WDR27: variants seen among roughly 807,000 people sequenced by gnomAD.
The protein encoded by WDR27 is WD repeat domain 27.
Under a neutral mutation model 114.4 loss-of-function variants are expected in WDR27, and 100 were observed. The observed-to-expected ratio is 0.87, with a 90% CI of 0.74 to 1.03. The LOEUF is 1.03. Among genes scored for constraint, WDR27 ranks in the 50% least tolerant of loss-of-function variants. WDR27 has a pLI of 0.00. For synonymous variants in WDR27, 449 were observed against 423.1 expected (o/e 1.06, Z -0.75); for missense variants, 1,129 against 1,092.9 (o/e 1.03, Z -0.47).
At chr6:169,449,560 C>T in the WDR27 span, among the ~76,000 whole-genome samples, 23 of 152,280 alleles carry the variant, frequency 1.5e-4, no homozygotes, top group South Asian at 2.1e-3. Flanking sequence ...CCTGAGCAGC[C>T]GTGTGGGCAC....
At chr6:169,486,561 G>A (rs543163262) in intron 25 of WDR27, among the ~76,000 whole-genome samples, 23 of 152,020 alleles carry the variant, frequency 1.5e-4, no homozygotes, top group Non-Finnish European at 2.9e-4. Context: ...GCGCGATCTC[G>A]GCTCACTGCA....
chr6:169,487,168 G>C (rs919243997), intron 25 of WDR27, among the ~76,000 whole-genome samples: 1 of 152,272 alleles, frequency 6.6e-6, no homozygotes, highest in East Asian at 1.9e-4. Context: ...CATCCTCTTC[G>C]GAGGGTTCAT....
rs947331794 is a variant in WDR27, at chr6:169,684,530, G to T, written c.189+4287C>A. On this transcript the variant is annotated intron_variant, in intron 2 of 25. Coordinates refer to ENST00000448612, the MANE Select transcript of WDR27 (RefSeq NM_182552.5). The surrounding 1 kb of genome is among the most constrained non-coding windows in gnomAD (Gnocchi z 4.3). ...TGCCTTTGGAGGCACATCACCAAGC[G>T]GGCTGAGCAGCCCTGTTCCCATGTC... Among the ~76,000 whole-genome samples, 1 of 152,104 alleles carries T rather than the reference G, an allele frequency of 6.6e-6. No homozygotes were observed. Among genetic ancestry groups the T allele is most frequent in the Admixed American group, 6.5e-5 (1 of 15,274 alleles).
chr6:169,611,468 G>C (rs1810514124), intron 22 of WDR27, among the ~76,000 whole-genome samples: 1 of 151,790 alleles, frequency 6.6e-6, no homozygotes, highest in African/African-American at 2.4e-5. Context: ...ACCACACCTG[G>C]ATAATTATCG....
At chr6:169,600,679 G>A in intron 23 of WDR27, among the ~76,000 whole-genome samples, 1 of 152,218 alleles carries the variant, frequency 6.6e-6, no homozygotes, top group Middle Eastern at 3.2e-3. Flanking sequence ...ACAAGCCTCA[G>A]TAGCTGATTC....
chr6:169,494,896 A>G (rs1177900231), intron 25 of WDR27, among the ~76,000 whole-genome samples: 2 of 152,210 alleles, frequency 1.3e-5, no homozygotes, highest in Admixed American at 1.3e-4. Context: ...GCTCCAGTCA[A>G]CACTGTTTTT....
intron 25 of WDR27, among the ~76,000 whole-genome samples, chr6:169,464,187 A>T (rs911353468): frequency 6.6e-6 from 1 of 152,248 alleles, no homozygotes; most frequent in Non-Finnish European, 1.5e-5. Flanking sequence ...AGATCGACCT[A>T]TAGACAAATG....
intron 25 of WDR27, among the ~76,000 whole-genome samples, chr6:169,536,153 A>G (rs1796168091): frequency 6.6e-6 from 1 of 152,218 alleles, no homozygotes; most frequent in Non-Finnish European, 1.5e-5. Context: ...CTAATAGTTC[A>G]AAAAAGCATA....
rs1788188302 is a variant in WDR27 at position 169,701,911 on chromosome 6, G to A, written c.-368C>T. ...ACTCCGCGCCGAGACCAGCCCGCTAGGGGAGGACTCACAGCACCCAGCTCC... is the reference window on the plus strand; with the variant it reads ...ACTCCGCGCCGAGACCAGCCCGCTAAGGGAGGACTCACAGCACCCAGCTCC... On this transcript the variant is annotated 5_prime_UTR_variant, in exon 1 of 26. Coordinates refer to ENST00000448612, the MANE Select transcript of WDR27 (RefSeq NM_182552.5). The A allele has an allele frequency of 8.7e-6, 3 of 345,302 alleles. No homozygotes were observed. Among genetic ancestry groups the A allele is most frequent in the Admixed American group, 4.1e-5 (1 of 24,448 alleles). The allele number at this position is 345,302 out of a possible 1,614,324, so 21.4% of individuals were successfully genotyped here.
At chr6:169,610,015 G>A (rs181115819) in intron 22 of WDR27, among the ~76,000 whole-genome samples, 116 of 152,276 alleles carry the variant, frequency 7.6e-4, no homozygotes, top group Middle Eastern at 3.4e-3. Context: ...CATAACAAAA[G>A]TCACCTTTGC....
chr6:169,666,495 C>T (rs990629669), intron 6 of WDR27: 14 of 985,364 alleles, frequency 1.4e-5, no homozygotes, highest in South Asian at 9.4e-5. Flanking sequence ...GGGAGCAAAG[C>T]GAATGCAGGA....
At chr6:169,591,478 TC>T (rs1275119074) in intron 23 of WDR27, among the ~76,000 whole-genome samples, 1 of 152,216 alleles carries the variant, frequency 6.6e-6, no homozygotes, top group Non-Finnish European at 1.5e-5. Flanking sequence ...TAAAATACAG[TC>T]CGAACAGGAA....
chr6:169,640,748 C>T (rs573160686), intron 17 of WDR27, among the ~76,000 whole-genome samples: 1 of 152,372 alleles, frequency 6.6e-6, no homozygotes, highest in South Asian at 2.1e-4. Context: ...GGTGACTGAC[C>T]TCAGAAGTCA....
intron 23 of WDR27, among the ~76,000 whole-genome samples, chr6:169,599,499 G>T (rs1198293907): frequency 6.6e-6 from 1 of 152,074 alleles, no homozygotes; most frequent in African/African-American, 2.4e-5. Flanking sequence ...GAGAGTGTAC[G>T]TGTCGAGGAA....
intron 22 of WDR27, among the ~76,000 whole-genome samples, chr6:169,612,162 T>A (rs1217169255): frequency 6.7e-6 from 1 of 148,892 alleles, no homozygotes; most frequent in Non-Finnish European, 1.5e-5. Context: ...CTGGGCACGG[T>A]GGCTCATGCT....
At chr6:169,511,704 AT>A (rs1033213805) in intron 25 of WDR27, among the ~76,000 whole-genome samples, 10 of 152,286 alleles carry the variant, frequency 6.6e-5, no homozygotes, top group East Asian at 3.9e-4. Flanking sequence ...CAAAAAAAAA[AT>A]ATTTGCCAAC....
At chr6:169,522,564 T>C (rs1227978532) in intron 25 of WDR27, among the ~76,000 whole-genome samples, 2 of 152,050 alleles carry the variant, frequency 1.3e-5, no homozygotes, top group Non-Finnish European at 2.9e-5. Flanking sequence ...GATCATATCA[T>C]AGAACACAAA....
intron 4 of WDR27, among the ~76,000 whole-genome samples, chr6:169,669,318 A>T (rs1331830247): frequency 6.6e-6 from 1 of 152,216 alleles, no homozygotes; most frequent in Non-Finnish European, 1.5e-5. Context: ...AGTGTCTTTC[A>T]GTTGACACGC....
At chr6:169,447,159 C>T in the WDR27 span, among the ~76,000 whole-genome samples, 1 of 152,194 alleles carries the variant, frequency 6.6e-6, no homozygotes, top group South Asian at 2.1e-4. Flanking sequence ...CTTTAGGATT[C>T]ATATTATAGC....
Sources: gnomAD v4.1 joint callset for allele counts (sites outside exome capture counted in the v4.1 genomes callset) on GRCh38, gnomAD v4.1.1 for gene constraint, Gnocchi (gnomAD v3.1) non-coding constraint, MANE v1.5 for transcripts, NCBI Gene and HGNC (gene_info 2026-07-23, HGNC 2026-07-21) for gene names.